EVC2: variants seen among roughly 807,000 people sequenced by gnomAD.
The protein encoded by EVC2 is limbin.
A neutral mutation model predicts 149.3 loss-of-function variants in EVC2; 148 were observed. The observed-to-expected ratio is 0.99, with a 90% CI of 0.87 to 1.14. The LOEUF (loss-of-function observed/expected upper bound fraction) is 1.14. Ranked by LOEUF, EVC2 falls within the 50% of genes most tolerant of loss-of-function variation. The pLI is 0.00. For missense variants in EVC2, 1,854 were observed against 1,627.3 expected, an observed-to-expected ratio of 1.14 and a Z score of -2.40; for synonymous variants, 776 against 649.9, an observed-to-expected ratio of 1.19 and a Z score of -2.95.
chr4:5,692,310 G>A (rs1472095467), intron 3 of EVC2, among the ~76,000 whole-genome samples: 1 of 152,124 alleles, frequency 6.6e-6, no homozygotes, highest in Non-Finnish European at 1.5e-5. Flanking sequence ...TTATAAACGT[G>A]AGCCACCACA....
chr4:5,533,257 G>A, the EVC2 span, among the ~76,000 whole-genome samples: 25 of 152,220 alleles, frequency 1.6e-4, no homozygotes, highest in Non-Finnish European at 2.8e-4. Flanking sequence ...CGCTGAGATG[G>A]TAATGCTTGA....
chr4:5,691,600 G>A (rs1207711021), intron 3 of EVC2, among the ~76,000 whole-genome samples: 1 of 152,178 alleles, frequency 6.6e-6, no homozygotes, highest in Non-Finnish European at 1.5e-5. Flanking sequence ...ACAGGGCTCA[G>A]CCAACCAAGA....
At chr4:5,684,690 C>A (rs908783553) in intron 6 of EVC2, among the ~76,000 whole-genome samples, 2 of 152,142 alleles carry the variant, frequency 1.3e-5, no homozygotes, top group Non-Finnish European at 2.9e-5. Context: ...GTGTTATGGG[C>A]CAGACTGTGT....
chr4:5,678,300 C>T (rs917702218), intron 7 of EVC2, among the ~76,000 whole-genome samples: 4 of 152,186 alleles, frequency 2.6e-5, no homozygotes, highest in Admixed American at 1.3e-4. Flanking sequence ...GGCACTGAGT[C>T]TCTAAGGAGC....
chr4:5,554,341 T>C (rs909805271), intron 21 of EVC2, among the ~76,000 whole-genome samples: 1 of 152,190 alleles, frequency 6.6e-6, no homozygotes, highest in African/African-American at 2.4e-5. Context: ...GTCATTTTGA[T>C]GAATTGCTGA....
chr4:5,657,494 T>C lies in EVC2; in HGVS notation c.1145+5613A>G, dbSNP rs1307218404. On this transcript the variant is annotated intron_variant, in intron 9 of 21. Transcript: ENST00000344408. The surrounding 1 kb of genome is among the most constrained non-coding windows in gnomAD (Gnocchi z 4.7). Reference sequence around the variant, plus strand: ...AAGAGCCACATCACATCTGGAAACATGTTGTGTTGTCTTCTGGTTTGAGTA... The same window carrying C: ...AAGAGCCACATCACATCTGGAAACACGTTGTGTTGTCTTCTGGTTTGAGTA... 1.3e-5 allele frequency among the ~76,000 whole-genome samples: 2 copies of C among 151,838 alleles called. No homozygotes were observed. The highest frequency in any genetic ancestry group is 2.9e-5 in the Non-Finnish European group (2 of 67,974).
At chr4:5,591,102 A>C (rs1033222826) in intron 16 of EVC2, among the ~76,000 whole-genome samples, 5 of 152,156 alleles carry the variant, frequency 3.3e-5, no homozygotes, top group African/African-American at 1.2e-4. Context: ...GGGTGGAGAC[A>C]CAGGACCCAT....
intron 15 of EVC2, 117 bp from the exon 16 acceptor site, chr4:5,615,661 T>A: frequency 6.8e-7 from 1 of 1,464,508 alleles, no homozygotes; most frequent in Non-Finnish European, 9.5e-7. Context: ...ACTGCAAAAC[T>A]CTGCCTTAGG....
In EVC2 at chr4:5,615,510, C is replaced by T. The variant is rs1715179524; in HGVS notation, c.2741G>A (p.Ser914Asn). Reference sequence around the variant, plus strand: ...CTTCAGAAGCTCTCCCTTGCTTTTACTCTTGGACCGTGACTTTCTCACCTT... The same window carrying T: ...CTTCAGAAGCTCTCCCTTGCTTTTATTCTTGGACCGTGACTTTCTCACCTT... The part of the protein sequence containing the change: ...QSKVRKSRSK[S>N]KSKGELLKKC... Residue 914 changes from serine to asparagine, a missense_variant, in exon 16 of 22, where the codon AGT becomes AAT. By Grantham distance (46) the Ser-to-Asn change is conservative (BLOSUM62 1). Coordinates refer to ENST00000344408, the MANE Select transcript of EVC2 (RefSeq NM_147127.5). The T allele has an allele frequency of 6.2e-7, 1 of 1,614,214 alleles. No homozygotes were observed. Among genetic ancestry groups the T allele is most frequent in the Non-Finnish European group, 8.5e-7 (1 of 1,180,044 alleles).
intron 10 of EVC2, among the ~76,000 whole-genome samples, chr4:5,634,633 C>G (rs1716770967): frequency 6.6e-6 from 1 of 152,190 alleles, no homozygotes; most frequent in Non-Finnish European, 1.5e-5. Context: ...GAAACACTCT[C>G]TAAAATACAT....
At chr4:5,598,519 G>A (rs1365636550) in intron 16 of EVC2, among the ~76,000 whole-genome samples, 1 of 152,164 alleles carries the variant, frequency 6.6e-6, no homozygotes, top group Non-Finnish European at 1.5e-5. Context: ...TAGTCATATG[G>A]AAAAAGCTGA....
At chr4:5,687,468 A>G (rs1193392469) in intron 5 of EVC2, among the ~76,000 whole-genome samples, 2 of 152,108 alleles carry the variant, frequency 1.3e-5, no homozygotes, top group African/African-American at 4.8e-5. Context: ...GTGCTAGAGC[A>G]GAAGTCCATG....
At chr4:5,690,536 T>C (rs1470751684) in intron 4 of EVC2, among the ~76,000 whole-genome samples, 1 of 151,958 alleles carries the variant, frequency 6.6e-6, no homozygotes, top group Non-Finnish European at 1.5e-5. Context: ...AACGAGTAAC[T>C]GAGGTCAGTC....
chr4:5,622,871 C>G lies in EVC2; in HGVS notation c.2167G>C (p.Glu723Gln). The G allele has an allele frequency of 6.2e-7, 1 of 1,614,182 alleles. No individual in the cohort carries two copies. Among genetic ancestry groups the G allele is most frequent in the Non-Finnish European group, 8.5e-7 (1 of 1,180,044 alleles). ...GCCTGGTCCAGACGCTCCTGCAGCT[C>G]CTCCAGGGTGGCACCGTGCTCCTCC... ...LMEEHGATLE[E>Q]LQERLDQAAL... The change falls in exon 14 of 22, where the codon GAG (glutamate) becomes CAG (glutamine). Residue 723 changes from glutamate (E) to glutamine (Q), a missense_variant. By Grantham distance (29) the Glu-to-Gln change is conservative. Transcript: ENST00000344408. The surrounding 1 kb of genome is among the most constrained non-coding windows in gnomAD (Gnocchi z 5.8).
intron 7 of EVC2, among the ~76,000 whole-genome samples, chr4:5,668,618 GAAACTAA>G (rs2108904144): frequency 6.6e-6 from 1 of 152,218 alleles, no homozygotes; most frequent in South Asian, 2.1e-4. Flanking sequence ...TGATGGAAAG[GAAACTAA>G]AAAAAATCTG....
intron 7 of EVC2, among the ~76,000 whole-genome samples, chr4:5,676,986 C>T (rs548069358): frequency 3.3e-5 from 5 of 152,256 alleles, no homozygotes; most frequent in African/African-American, 1.2e-4. Context: ...ACCTGTGTAG[C>T]CCCCGTGGGC....
intron 11 of EVC2, among the ~76,000 whole-genome samples, chr4:5,631,352 T>G (rs745692472): frequency 4.6e-5 from 7 of 152,146 alleles, no homozygotes; most frequent in Non-Finnish European, 1.0e-4. Flanking sequence ...CTTGGCCTCC[T>G]AAAGTGCTGG....
intron 3 of EVC2, among the ~76,000 whole-genome samples, chr4:5,692,351 T>C (rs1208329971): frequency 1.3e-5 from 2 of 152,098 alleles, no homozygotes; most frequent in Non-Finnish European, 2.9e-5. Context: ...ATGTCTGTCA[T>C]TGGCTGAGGG....
chr4:5,546,041 A>G (rs1041673921), intron 21 of EVC2, among the ~76,000 whole-genome samples: 130 of 152,286 alleles, frequency 8.5e-4, no homozygotes, highest in Admixed American at 1.6e-3. Context: ...TTAGAATGGC[A>G]ATCATTAAAA....
Sources: allele counts gnomAD v4.1 joint callset (sites outside exome capture counted in the v4.1 genomes callset), GRCh38; gene constraint gnomAD v4.1.1; non-coding constraint Gnocchi (gnomAD v3.1); transcripts MANE v1.5; gene names NCBI Gene and HGNC (gene_info 2026-07-23, HGNC 2026-07-21).